The following TMEM272 variants were observed in gnomAD, a reference collection of about 807,000 sequenced individuals.
TMEM272 encodes long intergenic non-protein coding RNA 282.
In TMEM272, 8 loss-of-function variants were observed where a neutral mutation model predicts 3.7. The ratio of observed to expected loss-of-function variants is 2.17; its 90% CI spans 1.27 to 3.91. The LOEUF (loss-of-function observed/expected upper bound fraction) is 3.91, where lower values mean the gene tolerates loss of function less well. TMEM272 is among the 30% of genes most tolerant of loss of function. The probability of loss-of-function intolerance (pLI) is 0.00; values close to 1 mark genes in which losing one functional copy is unlikely to be tolerated. For synonymous variants in TMEM272, 63 were observed against 39.8 expected, an observed-to-expected ratio of 1.58 and a Z score of -2.20; for missense variants, 166 against 91.5, an observed-to-expected ratio of 1.81 and a Z score of -3.32.
the TMEM272 span, among the ~76,000 whole-genome samples, chr13:51,859,547 C>CACACACACAG: frequency 1.3e-5 from 2 of 150,350 alleles, no homozygotes; most frequent in Non-Finnish European, 3.0e-5. Flanking sequence ...CACACACACA[C>CACACACACAG]AGACACCCCC....
chr13:51,902,471 T>C, the TMEM272 span, among the ~76,000 whole-genome samples: 1 of 152,232 alleles, frequency 6.6e-6, no homozygotes, highest in Non-Finnish European at 1.5e-5. Context: ...ATTTAAAAAT[T>C]AGAGGAAAGT....
chr13:51,885,088 T>C, the TMEM272 span, among the ~76,000 whole-genome samples: 1 of 152,194 alleles, frequency 6.6e-6, no homozygotes, highest in African/African-American at 2.4e-5. Flanking sequence ...AGCTTAGAAG[T>C]GAGCACCTGA....
the TMEM272 span, among the ~76,000 whole-genome samples, chr13:51,887,259 A>G: frequency 6.6e-6 from 1 of 152,136 alleles, no homozygotes; most frequent in Non-Finnish European, 1.5e-5. Flanking sequence ...CATACTTCTT[A>G]GAGTCACTCT....
chr13:51,871,163 T>C, the TMEM272 span, among the ~76,000 whole-genome samples: 1 of 149,466 alleles, frequency 6.7e-6, no homozygotes, highest in Admixed American at 6.7e-5. Context: ...GTGTGACCAA[T>C]GGAATAATAA....
rs1365233430 is a variant in TMEM272, at chr13:51,814,128, C to A, written c.*2623G>T. 1.3e-5 allele frequency: 2 copies of A among 152,288 alleles called. No homozygotes were observed. Among genetic ancestry groups the A allele is most frequent in the Non-Finnish European group, 1.5e-5 (1 of 68,092 alleles). The allele number at this position is 152,288 out of a possible 1,614,324, so 9.4% of individuals were successfully genotyped here. On this transcript the variant is annotated 3_prime_UTR_variant, in exon 5 of 5. Coordinates refer to ENST00000629372, the MANE Select transcript of TMEM272 (RefSeq NM_001351003.2). ...TATAACCAGGAACTTCTTACACTCA[C>A]CTCCAGCTCAGTGAAATTATACTAA...
chr13:51,836,739 C>T (rs138221875), intron 2 of TMEM272, among the ~76,000 whole-genome samples: 359 of 152,272 alleles, frequency 2.4e-3, no homozygotes, highest in Non-Finnish European at 3.5e-3. Context: ...CCTGATCCAA[C>T]CTTTATCTGA....
chr13:51,859,191 T>A, the TMEM272 span, among the ~76,000 whole-genome samples: 90 of 143,892 alleles, frequency 6.3e-4, no homozygotes, highest in South Asian at 2.0e-3. Flanking sequence ...AAAAAAAAAA[T>A]GGTAATTGTT....
intron 4 of TMEM272, among the ~76,000 whole-genome samples, chr13:51,820,059 C>A (rs1293602406): frequency 6.6e-6 from 1 of 152,090 alleles, no homozygotes; most frequent in Non-Finnish European, 1.5e-5. Context: ...CTCACCCAAA[C>A]ACACACATGT....
At chr13:51,899,420 A>G in the TMEM272 span, among the ~76,000 whole-genome samples, 1 of 152,254 alleles carries the variant, frequency 6.6e-6, no homozygotes, top group Non-Finnish European at 1.5e-5. Flanking sequence ...GTGTACTTCT[A>G]ATCAGCAACA....
At chr13:51,858,144 C>T in the TMEM272 span, among the ~76,000 whole-genome samples, 1 of 152,136 alleles carries the variant, frequency 6.6e-6, no homozygotes, top group Non-Finnish European at 1.5e-5. Context: ...AATAGATCTG[C>T]AAGTACATCT....
intron 2 of TMEM272, among the ~76,000 whole-genome samples, chr13:51,833,673 G>A (rs551906210): frequency 6.6e-6 from 1 of 152,284 alleles, no homozygotes; most frequent in African/African-American, 2.4e-5. Context: ...AGAATTCACT[G>A]CATTTAATGT....
At chr13:51,905,465 A>C in the TMEM272 span, among the ~76,000 whole-genome samples, 3 of 152,188 alleles carry the variant, frequency 2.0e-5, no homozygotes, top group Non-Finnish European at 2.9e-5. Context: ...ACCCAAGGGA[A>C]GCCGGAGTTC....
chr13:51,826,514 A>G, intron 3 of TMEM272, 52 bp downstream of exon 3: 1 of 702,078 alleles, frequency 1.4e-6, no homozygotes, highest in Non-Finnish European at 2.6e-6. Flanking sequence ...CCTTGGGTCC[A>G]TGCCCCAACC....
chr13:51,854,905 TATG>T, the TMEM272 span, among the ~76,000 whole-genome samples: 2 of 152,170 alleles, frequency 1.3e-5, no homozygotes, highest in Non-Finnish European at 2.9e-5. Flanking sequence ...ATAATCCCCA[TATG>T]AGTACTGCAC....
chr13:51,894,588 C>T, the TMEM272 span, among the ~76,000 whole-genome samples: 1 of 152,050 alleles, frequency 6.6e-6, no homozygotes, highest in African/African-American at 2.4e-5. Flanking sequence ...GAAGCAGATG[C>T]CCAGTGGATG....
At chr13:51,917,699 T>C in the TMEM272 span, among the ~76,000 whole-genome samples, 5 of 152,220 alleles carry the variant, frequency 3.3e-5, no homozygotes, top group Non-Finnish European at 5.9e-5. Context: ...TTAAGTTACT[T>C]AACATCTCTG....
At chr13:51,899,008 A>C in the TMEM272 span, among the ~76,000 whole-genome samples, 4 of 152,154 alleles carry the variant, frequency 2.6e-5, no homozygotes, top group Non-Finnish European at 2.9e-5. Context: ...GACTGTCTAG[A>C]CTGCATGTCT....
chr13:51,899,393 A>G, the TMEM272 span, among the ~76,000 whole-genome samples: 3 of 152,250 alleles, frequency 2.0e-5, no homozygotes. Flanking sequence ...GGGTATAGCG[A>G]CTGAAAGGTT....
the TMEM272 span, among the ~76,000 whole-genome samples, chr13:51,857,091 G>C: frequency 3.9e-5 from 6 of 151,960 alleles, no homozygotes; most frequent in Non-Finnish European, 7.4e-5. Flanking sequence ...TGTTTACAGA[G>C]ATTAAAATTC....
Sources: gnomAD v4.1 joint callset for allele counts (sites outside exome capture counted in the v4.1 genomes callset) on GRCh38, gnomAD v4.1.1 for gene constraint, MANE v1.5 for transcripts, NCBI Gene and HGNC (gene_info 2026-07-23, HGNC 2026-07-21) for gene names.